Variants in TRIM4 observed in about 807,000 individuals in gnomAD.
TRIM4 encodes the protein tripartite motif containing 4, also known as E3 ubiquitin-protein ligase TRIM4.
TRIM4 carries 29 observed loss-of-function variants against 33.7 expected under a neutral mutation model. The observed-to-expected ratio is 0.86, with a 90% CI of 0.64 to 1.17. The LOEUF (loss-of-function observed/expected upper bound fraction) is 1.17, where lower values mean the gene tolerates loss of function less well. TRIM4 is among the 50% of genes most tolerant of loss of function. The pLI is 0.00. For missense variants in TRIM4, 554 were observed against 593.7 expected (o/e 0.93, Z 0.69); for synonymous variants, 224 against 233.0 (o/e 0.96, Z 0.35).
At chr7:99,917,703 G>T in intron 1 of TRIM4, 1 of 664,946 alleles carries the variant, frequency 1.5e-6, no homozygotes, top group Non-Finnish European at 1.9e-6. Flanking sequence ...TGGGCAACAA[G>T]AGCGAAACTC....
chr7:99,914,075 T>C (rs560558676), intron 1 of TRIM4, among the ~76,000 whole-genome samples: 1 of 152,322 alleles, frequency 6.6e-6, no homozygotes, highest in Non-Finnish European at 1.5e-5. Flanking sequence ...ACCTCAAATC[T>C]ACCTACATGC....
At chr7:99,918,195 G>A (rs1378855463) in intron 1 of TRIM4, among the ~76,000 whole-genome samples, 6 of 152,294 alleles carry the variant, frequency 3.9e-5, no homozygotes, top group African/African-American at 1.4e-4. Context: ...CACCTGAAAC[G>A]TGGATATTCC....
Position 99,919,020 on chromosome 7 carries a change from C to G in TRIM4, c.382G>C (p.Glu128Gln). 1 of 1,591,084 alleles carries G rather than the reference C, an allele frequency of 6.3e-7. No individual in the cohort carries two copies. Among genetic ancestry groups the G allele is most frequent in the South Asian group, 1.1e-5 (1 of 87,948 alleles). ...GACGGCCAGCTCACCCGGTAGCTCT[C>G]GAAGGCCTCGTCGATGGGTGCCATG... Reference protein sequence around the residue: ...HAMAPIDEAFESYREKLLKSQ... With the variant: ...HAMAPIDEAFQSYREKLLKSQ... The change falls in exon 1 of 6, where the codon GAG becomes CAG. Residue 128 changes from glutamate to glutamine, a missense_variant. Coordinates refer to ENST00000349062, the MANE Select transcript of TRIM4 (RefSeq NM_033091.3).
chr7:99,897,148 G>C (rs1184602982), intron 5 of TRIM4, among the ~76,000 whole-genome samples: 1 of 152,182 alleles, frequency 6.6e-6, no homozygotes, highest in Non-Finnish European at 1.5e-5. Flanking sequence ...ACCCCGTGAA[G>C]AGATCTAGTG....
In TRIM4 at chr7:99,919,178, T is replaced by C. The variant is rs577078878; in HGVS notation, c.224A>G (p.Gln75Arg). 6.8e-7 allele frequency: 1 copy of C among 1,474,586 alleles called. No individual in the cohort carries two copies. The highest frequency in any genetic ancestry group is 9.0e-7 in the Non-Finnish European group (1 of 1,114,864). The allele number at this position is 1,474,586 out of a possible 1,614,324, so 91.3% of individuals were successfully genotyped here. ...GGGCACGGGGCCCAGGCGCCGGCGC[T>C]GCGTCTTCTCAGTCAGCCTGGCCAG... ...WALARLTEKT[Q>R]RRRLGPVPPG... The change falls in exon 1 of 6, where the codon CAG becomes CGG. Residue 75 changes from glutamine (Q) to arginine (R), a missense_variant. Physicochemically the swap from Gln to Arg is conservative, Grantham distance 43 (BLOSUM62 1). Transcript: ENST00000349062.
At chr7:99,916,610 AT>A in intron 1 of TRIM4, 1 of 732,178 alleles carries the variant, frequency 1.4e-6, no homozygotes, top group African/African-American at 1.7e-5. Flanking sequence ...ACCAAGTCTA[AT>A]TGATCACCAA....
chr7:99,911,156 C>T (rs2078911987), intron 1 of TRIM4, among the ~76,000 whole-genome samples: 1 of 152,146 alleles, frequency 6.6e-6, no homozygotes, highest in Non-Finnish European at 1.5e-5. Flanking sequence ...AAGCAGATTT[C>T]GGGATTAAAG....
intron 3 of TRIM4, 71 bp downstream of exon 3, chr7:99,908,511 C>A: frequency 1.6e-6 from 2 of 1,231,702 alleles, no homozygotes; most frequent in Non-Finnish European, 2.3e-6. Flanking sequence ...CCAGGAAGGA[C>A]ATTCAGCTCT....
At chr7:99,908,836 ACTC>A in intron 2 of TRIM4, 24 bp from the exon 3 acceptor site, 1 of 1,600,600 alleles carries the variant, frequency 6.2e-7, no homozygotes, top group Non-Finnish European at 8.5e-7. Context: ...AGATTTGCTC[ACTC>A]CTTTTTCTGC....
In TRIM4 at chr7:99,909,100, CGTTTA is replaced by C. The variant is rs545481671; in HGVS notation, c.490-293_490-289del. On this transcript the variant is annotated intron_variant, in intron 2 of 5. Transcript: ENST00000349062. ...ACTACTTAGTTTAGCCTTCAGAACT[CGTTTA>C]GTTTTACCAAATCTTTAGGAGTGTG... Among the ~76,000 whole-genome samples the C allele has an allele frequency of 1.7e-3, 255 of 150,644 alleles. 2 individuals are homozygous for C. Among genetic ancestry groups the C allele is most frequent in the Non-Finnish European group, 2.7e-3 (182 of 67,674 alleles).
At chr7:99,895,427 G>A (rs1439552720) in intron 5 of TRIM4, among the ~76,000 whole-genome samples, 1 of 152,158 alleles carries the variant, frequency 6.6e-6, no homozygotes, top group African/African-American at 2.4e-5. Flanking sequence ...TACTCTGAAT[G>A]ATCGGAATCC....
chr7:99,906,363 T>C (rs1819306666), intron 3 of TRIM4, among the ~76,000 whole-genome samples: 2 of 152,016 alleles, frequency 1.3e-5, no homozygotes, highest in African/African-American at 4.8e-5. Context: ...TGTCATACTT[T>C]TTTTTTTTAA....
chr7:99,891,096 C>T lies in TRIM4; in HGVS notation c.*1067G>A, dbSNP rs1353750816. The T allele has an allele frequency of 6.6e-6, 1 of 152,126 alleles. No individual in the cohort carries two copies. Among genetic ancestry groups the T allele is most frequent in the Non-Finnish European group, 1.5e-5 (1 of 68,026 alleles). 9.4% of individuals were successfully genotyped at this position (152,126 alleles called of 1,614,324 possible). The stretch of plus-strand genomic sequence containing the variant: ...ACTGCCACAATCTCCTGAGTCCAGA[C>T]AATCTAGAGCAGAAGGGTAGACTGA... On this transcript the variant is annotated 3_prime_UTR_variant, in exon 6 of 6. Coordinates refer to ENST00000349062, the MANE Select transcript of TRIM4 (RefSeq NM_033091.3).
rs58242927 is a variant in TRIM4 at position 99,909,729 on chromosome 7, GTTTTT to G, written c.394-74_394-70del. ...CATCATCATCTTCTTTTTTCTTTTT[GTTTTT>G]TTTTTTTTTTTTTTTTGAGACAAAG... On this transcript the variant is annotated intron_variant, in intron 1 of 5. Transcript: ENST00000349062. 602 of 724,018 alleles carry G rather than the reference GTTTTT, an allele frequency of 8.3e-4. 3 individuals carry two copies. Among genetic ancestry groups the G allele is most frequent in the East Asian group, 1.2e-3 (36 of 28,826 alleles). 44.8% of individuals were successfully genotyped at this position (724,018 alleles called of 1,614,324 possible). A position where few individuals can be genotyped will look rare whatever the true frequency, so the allele number is the denominator to read the frequency against.
intron 1 of TRIM4, among the ~76,000 whole-genome samples, chr7:99,916,471 G>A (rs946265787): frequency 5.9e-5 from 9 of 152,180 alleles, no homozygotes; most frequent in African/African-American, 1.9e-4. Flanking sequence ...CATTCCACAA[G>A]CATGGGATCT....
chr7:99,895,277 T>G (rs1479658736), intron 5 of TRIM4, among the ~76,000 whole-genome samples: 1 of 152,236 alleles, frequency 6.6e-6, no homozygotes, highest in Non-Finnish European at 1.5e-5. Context: ...CCATTCAAAC[T>G]ACTTCCTAAT....
chr7:99,901,507 C>T (rs746436084), intron 5 of TRIM4: 1 of 152,046 alleles, frequency 6.6e-6, no homozygotes, highest in Admixed American at 6.6e-5. Context: ...TTATTTCTAC[C>T]AATTTTCTAG....
chr7:99,918,295 T>C (rs1022771123), intron 1 of TRIM4, among the ~76,000 whole-genome samples: 1 of 152,158 alleles, frequency 6.6e-6, no homozygotes, highest in Non-Finnish European at 1.5e-5. Context: ...AGGCCGGGCG[T>C]GGTGACTCAC....
intron 5 of TRIM4, among the ~76,000 whole-genome samples, chr7:99,893,468 C>T (rs1362985217): frequency 2.0e-5 from 3 of 152,182 alleles, no homozygotes; most frequent in Non-Finnish European, 4.4e-5. Flanking sequence ...TCTCTTTTCA[C>T]GGGTTCCAGT....
Sources: allele counts gnomAD v4.1 joint callset (sites outside exome capture counted in the v4.1 genomes callset), GRCh38; gene constraint gnomAD v4.1.1; transcripts MANE v1.5; gene names NCBI Gene and HGNC (gene_info 2026-07-23, HGNC 2026-07-21).